Variants in CCDC50 observed in about 807,000 individuals in gnomAD.
CCDC50 encodes coiled-coil domain containing 50, also known as coiled-coil domain-containing protein 50.
CCDC50 carries 54 observed loss-of-function variants against 70.2 expected under a neutral mutation model. The ratio of observed to expected loss-of-function variants is 0.77; its 90% CI spans 0.62 to 0.96. The LOEUF (loss-of-function observed/expected upper bound fraction) is 0.96. Among genes scored for constraint, CCDC50 ranks in the 50% least tolerant of loss-of-function variants. CCDC50 has a pLI of 0.00. For missense variants in CCDC50, 558 were observed against 578.7 expected (o/e 0.96, Z 0.37); for synonymous variants, 216 against 198.8 (o/e 1.09, Z -0.73).
rs1713922790 is a variant in CCDC50 at position 191,398,148 on chromosome 3, T to A, written c.*6388T>A. On this transcript the variant is annotated 3_prime_UTR_variant, in exon 12 of 12. Coordinates refer to ENST00000392455, the MANE Select transcript of CCDC50 (RefSeq NM_178335.3). The stretch of plus-strand genomic sequence containing the variant: ...TTTCATGTGTCTTGGGAGGTTGAGG[T>A]GTTCAACATCGTTAAGGCACTCCCA... 6.6e-6 allele frequency: 1 copy of A among 152,180 alleles called. No individual in the cohort carries two copies. Among genetic ancestry groups the A allele is most frequent in the Admixed American group, 6.5e-5 (1 of 15,284 alleles). The allele number at this position is 152,180 out of a possible 1,614,324, so 9.4% of individuals were successfully genotyped here.
At chr3:191,359,025 A>G (rs544188118) in intron 3 of CCDC50, among the ~76,000 whole-genome samples, 2 of 152,300 alleles carry the variant, frequency 1.3e-5, no homozygotes, top group African/African-American at 4.8e-5. Context: ...TTATTGATTC[A>G]TGCTAAATCT....
intron 6 of CCDC50, among the ~76,000 whole-genome samples, chr3:191,375,835 C>T (rs903380060): frequency 3.3e-5 from 5 of 151,754 alleles, no homozygotes; most frequent in African/African-American, 1.2e-4. Flanking sequence ...TATTCCATGC[C>T]CAGGTTGTAT....
chr3:191,357,164 C>T lies in CCDC50; in HGVS notation c.112+14C>T. On this transcript the variant is annotated intron_variant, in intron 2 of 11. Coordinates refer to ENST00000392455, the MANE Select transcript of CCDC50 (RefSeq NM_178335.3). The stretch of plus-strand genomic sequence containing the variant: ...AGGAACAAGAGAGTGAGTAATACCT[C>T]TCATTTATGCTCCTTCAGTTTTCTT... 6.2e-7 allele frequency: 1 copy of T among 1,608,812 alleles called. No homozygotes were observed. The highest frequency in any genetic ancestry group is 1.1e-5 in the South Asian group (1 of 90,934).
intron 10 of CCDC50, among the ~76,000 whole-genome samples, chr3:191,387,905 G>A (rs1713553291): frequency 6.6e-6 from 1 of 152,038 alleles, no homozygotes; most frequent in Non-Finnish European, 1.5e-5. Context: ...CTGTTTTCTT[G>A]GGCCTGAGTC....
At chr3:191,344,884 G>A (rs182679536) in intron 1 of CCDC50, among the ~76,000 whole-genome samples, 17 of 152,148 alleles carry the variant, frequency 1.1e-4, no homozygotes, top group African/African-American at 3.6e-4. Context: ...CAGCCAGGAT[G>A]CCAATTCTAA....
At chr3:191,340,847 T>C (rs961301503) in intron 1 of CCDC50, among the ~76,000 whole-genome samples, 7 of 152,206 alleles carry the variant, frequency 4.6e-5, no homozygotes, top group African/African-American at 1.7e-4. Flanking sequence ...TATTTCTTTT[T>C]CTTCTAGAGA....
chr3:191,329,633 G>A lies in CCDC50; in HGVS notation c.-42G>A. On this transcript the variant is annotated 5_prime_UTR_variant, in exon 1 of 12. Transcript: ENST00000392455. The stretch of plus-strand genomic sequence containing the variant: ...GCCCCGCTCGGCGCCGGCGGTGACC[G>A]GGAAGCCCGCGTTAAAGGGGCAACC... 1 of 1,589,394 alleles carries A rather than the reference G, an allele frequency of 6.3e-7. No individual in the cohort carries two copies. Among genetic ancestry groups the A allele is most frequent in the Non-Finnish European group, 8.6e-7 (1 of 1,169,144 alleles).
chr3:191,353,504 T>C (rs915203894), intron 1 of CCDC50, among the ~76,000 whole-genome samples: 1 of 141,376 alleles, frequency 7.1e-6, no homozygotes, highest in African/African-American at 2.5e-5. Flanking sequence ...TTATGCTGTT[T>C]ACATCGAAGG....
At chr3:191,345,186 T>C (rs568425204) in intron 1 of CCDC50, among the ~76,000 whole-genome samples, 2 of 152,338 alleles carry the variant, frequency 1.3e-5, no homozygotes, top group South Asian at 4.1e-4. Flanking sequence ...AGACAAGGTC[T>C]AAGTCTTAAC....
At chr3:191,378,777 T>A (rs1713206508) in intron 6 of CCDC50, among the ~76,000 whole-genome samples, 1 of 151,928 alleles carries the variant, frequency 6.6e-6, no homozygotes, top group South Asian at 2.1e-4. Context: ...CCAAACCACT[T>A]AGAAATCTAG....
At chr3:191,337,711 G>A (rs570644666) in intron 1 of CCDC50, among the ~76,000 whole-genome samples, 2 of 152,142 alleles carry the variant, frequency 1.3e-5, no homozygotes, top group Non-Finnish European at 2.9e-5. Context: ...TCAAATGTAG[G>A]TAGAAATCTT....
Position 191,394,806 on chromosome 3 carries a change from C to T in CCDC50, c.*3046C>T, listed in dbSNP as rs748027087. 1 of 152,104 alleles carries T rather than the reference C, an allele frequency of 6.6e-6. No individual in the cohort carries two copies. The highest frequency in any genetic ancestry group is 1.5e-5 in the Non-Finnish European group (1 of 68,000). 9.4% of individuals were successfully genotyped at this position (152,104 alleles called of 1,614,324 possible). On this transcript the variant is annotated 3_prime_UTR_variant, in exon 12 of 12. Coordinates refer to ENST00000392455, the MANE Select transcript of CCDC50 (RefSeq NM_178335.3). ...ATATTTGACTTTTGCGTTCAAACCA[C>T]TGTTAGACGTAAGTATTTTATTAGA...
intron 1 of CCDC50, among the ~76,000 whole-genome samples, chr3:191,338,025 C>T (rs548320998): frequency 8.3e-4 from 126 of 152,132 alleles, no homozygotes; most frequent in Middle Eastern, 3.4e-3. Flanking sequence ...AGGGGAGTCT[C>T]CCCTGGACTT....
intron 10 of CCDC50, among the ~76,000 whole-genome samples, chr3:191,383,271 G>A (rs1252668548): frequency 6.6e-6 from 1 of 152,078 alleles, no homozygotes; most frequent in Non-Finnish European, 1.5e-5. Context: ...AATCCTTGCA[G>A]ACTGTCTAAA....
chr3:191,388,708 CAT>C, intron 10 of CCDC50, among the ~76,000 whole-genome samples: 2 of 152,226 alleles, frequency 1.3e-5, no homozygotes, highest in Middle Eastern at 6.8e-3. Flanking sequence ...CTAGATTTTA[CAT>C]ATAAATGTAC....
At position 191,353,382 on chromosome 3, in the gene CCDC50, C is replaced by T. The variant is rs568480094; in HGVS notation, c.50-3706C>T. 4.9e-5 allele frequency among the ~76,000 whole-genome samples: 7 copies of T among 141,498 alleles called. No individual in the cohort carries two copies. The East Asian group carries it at 1.3e-3, about 27-fold the overall frequency. 92.8% of individuals were successfully genotyped at this position (141,498 alleles called of 152,430 possible). ...TGAGTTCTGAATGAGTGAAGGTGAA[C>T]ATGGGAGGCAAAAAGTTTGAGAAAT... On this transcript the variant is annotated intron_variant, in intron 1 of 11. Transcript: ENST00000392455.
intron 6 of CCDC50, among the ~76,000 whole-genome samples, chr3:191,379,450 T>G (rs1389948874): frequency 6.6e-6 from 1 of 152,144 alleles, no homozygotes; most frequent in Non-Finnish European, 1.5e-5. Flanking sequence ...ACACTCACAC[T>G]GTCAAGTAAA....
In CCDC50 at chr3:191,329,607, G is replaced by GGCCCCGCTCGGC. The variant is rs1717875173; in HGVS notation, c.-64_-53dup. 7 of 1,536,210 alleles carry GGCCCCGCTCGGC rather than the reference G, an allele frequency of 4.6e-6. No homozygotes were observed. Among genetic ancestry groups the GGCCCCGCTCGGC allele is most frequent in the East Asian group, 2.4e-5 (1 of 41,766 alleles). ...CGTCCGGCGCTGCTGCTGCGCTCGG[G>GGCCCCGCTCGGC]GCCCCGCTCGGCGCCGGCGGTGACC... On this transcript the variant is annotated 5_prime_UTR_variant, in exon 1 of 12. Transcript: ENST00000392455.
chr3:191,362,247 A>G (rs366693), intron 4 of CCDC50, among the ~76,000 whole-genome samples: 13,299 of 152,014 alleles, frequency 0.087, 655 homozygotes, highest in East Asian at 0.21. Context: ...CCTCTTGAGT[A>G]GCTGGGACTA....
Sources: allele counts gnomAD v4.1 joint callset (sites outside exome capture counted in the v4.1 genomes callset), GRCh38; gene constraint gnomAD v4.1.1; transcripts MANE v1.5; gene names NCBI Gene and HGNC (gene_info 2026-07-23, HGNC 2026-07-21).